The following USH2A variants were observed in gnomAD, a reference collection of about 807,000 sequenced individuals.
The protein encoded by USH2A is Usher syndrome 2A (autosomal recessive, mild).
A neutral mutation model predicts 538.9 loss-of-function variants in USH2A; 443 were observed. The observed-to-expected ratio is 0.82, with a 90% CI of 0.76 to 0.89. The LOEUF is 0.89. USH2A is among the 40% of genes least tolerant of loss of function. The probability of loss-of-function intolerance (pLI) is 0.00; values close to 1 mark genes in which losing one functional copy is unlikely to be tolerated. For synonymous variants in USH2A, 2,413 were observed against 2,273.5 expected, an observed-to-expected ratio of 1.06 and a Z score of -1.75; for missense variants, 6,633 against 6,324.8, an observed-to-expected ratio of 1.05 and a Z score of -1.65.
chr1:215,628,722 A>G (rs1376752639), intron 71 of USH2A, 92 bp downstream of exon 71: 18 of 1,356,566 alleles, frequency 1.3e-5, no homozygotes, highest in Non-Finnish European at 1.7e-5. Flanking sequence ...GGCGAGTGCC[A>G]TGGGGCAGCA....
intron 21 of USH2A, among the ~76,000 whole-genome samples, chr1:216,099,840 G>T (rs2032535080): frequency 6.6e-6 from 1 of 152,114 alleles, no homozygotes; most frequent in South Asian, 2.1e-4. Context: ...TAGGCATACT[G>T]AACTTATGAT....
intron 11 of USH2A, among the ~76,000 whole-genome samples, chr1:216,270,477 T>A (rs1225069141): frequency 6.6e-6 from 1 of 152,158 alleles, no homozygotes; most frequent in Admixed American, 6.6e-5. Context: ...CTAACTCCTC[T>A]TCTTCCTTTC....
intron 3 of USH2A, among the ~76,000 whole-genome samples, chr1:216,373,801 C>T (rs911866888): frequency 3.3e-5 from 5 of 151,942 alleles, no homozygotes; most frequent in Admixed American, 3.3e-4. Context: ...CTGAAAGAGA[C>T]ACGTATGTTT....
chr1:215,884,091 AG>A (rs1664987743), intron 41 of USH2A, among the ~76,000 whole-genome samples: 1 of 152,138 alleles, frequency 6.6e-6, no homozygotes. Context: ...AACGGGAGGG[AG>A]AGCATTAGGA....
At chr1:216,247,706 G>A (rs188044845) in intron 12 of USH2A, among the ~76,000 whole-genome samples, 30 of 152,112 alleles carry the variant, frequency 2.0e-4, no homozygotes, top group African/African-American at 7.2e-4. Context: ...TGTACAGCAT[G>A]GTGACTATAC....
intron 3 of USH2A, among the ~76,000 whole-genome samples, chr1:216,366,933 C>A (rs148130846): frequency 6.6e-6 from 1 of 152,210 alleles, no homozygotes; most frequent in East Asian, 1.9e-4. Context: ...ATAAAAGATA[C>A]AGGCTTTTCT....
At chr1:215,915,434 T>C (rs1291944713) in intron 38 of USH2A, among the ~76,000 whole-genome samples, 2 of 152,086 alleles carry the variant, frequency 1.3e-5, no homozygotes, top group East Asian at 3.9e-4. Context: ...AAATGTGTCG[T>C]TTAAATTTTG....
intron 4 of USH2A, among the ~76,000 whole-genome samples, chr1:216,331,605 T>C (rs183009738): frequency 6.6e-6 from 1 of 152,208 alleles, no homozygotes; most frequent in African/African-American, 2.4e-5. Context: ...TCAGAAAATT[T>C]CCATGACTGT....
At chr1:215,730,215 A>G (rs1659953803) in intron 60 of USH2A, among the ~76,000 whole-genome samples, 1 of 152,202 alleles carries the variant, frequency 6.6e-6, no homozygotes, top group African/African-American at 2.4e-5. Context: ...ATCCAGATGT[A>G]AAAACATGAT....
chr1:215,743,386 A>ATATGTG lies in USH2A; in HGVS notation c.11390-52_11390-51insCACATA, dbSNP rs878870284. 2.6e-3 allele frequency: 851 copies of ATATGTG among 328,230 alleles called. 16 individuals carry two copies. Among genetic ancestry groups the ATATGTG allele is most frequent in the South Asian group, 5.8e-3 (192 of 32,998 alleles). 20.3% of individuals were successfully genotyped at this position (328,230 alleles called of 1,614,324 possible). A position where few individuals can be genotyped will look rare whatever the true frequency, so the allele number is the denominator to read the frequency against. On this transcript the variant is annotated intron_variant, in intron 58 of 71. Transcript: ENST00000307340. ...ACATTAAAAACATATATATATATAT[A>ATATGTG]TGTGTGTGTGTGTGTGTGTGTGTGT...
At chr1:215,984,398 A>T (rs1667822343) in intron 35 of USH2A, among the ~76,000 whole-genome samples, 1 of 152,234 alleles carries the variant, frequency 6.6e-6, no homozygotes, top group Non-Finnish European at 1.5e-5. Context: ...TCTTCAATGG[A>T]TAATCCACAA....
At chr1:215,954,017 C>A (rs1171865229) in intron 37 of USH2A, among the ~76,000 whole-genome samples, 1 of 152,132 alleles carries the variant, frequency 6.6e-6, no homozygotes, top group East Asian at 1.9e-4. Context: ...CAATGAGATA[C>A]CATCTGACAC....
chr1:215,835,608 C>A (rs1218785756), intron 47 of USH2A, among the ~76,000 whole-genome samples: 1 of 152,124 alleles, frequency 6.6e-6, no homozygotes, highest in Non-Finnish European at 1.5e-5. Context: ...ATGCAAGAGA[C>A]CTGGGATTCC....
At chr1:215,654,218 C>T (rs917127992) in intron 64 of USH2A, among the ~76,000 whole-genome samples, 4 of 152,128 alleles carry the variant, frequency 2.6e-5, no homozygotes, top group Admixed American at 1.3e-4. Flanking sequence ...ACGTGAACAA[C>T]GTGCAGGTTT....
At chr1:215,870,620 C>G (rs1571766100) in intron 43 of USH2A, among the ~76,000 whole-genome samples, 1 of 152,024 alleles carries the variant, frequency 6.6e-6, no homozygotes, top group Non-Finnish European at 1.5e-5. Flanking sequence ...CCTGAATCCT[C>G]TTAAATACTA....
intron 61 of USH2A, among the ~76,000 whole-genome samples, chr1:215,721,784 C>G (rs1246048288): frequency 6.6e-6 from 1 of 152,102 alleles, no homozygotes; most frequent in Non-Finnish European, 1.5e-5. Flanking sequence ...AAAAGTTTTG[C>G]CATGGTCAGT....
chr1:216,418,150 T>G (rs2039607817), intron 3 of USH2A, among the ~76,000 whole-genome samples: 1 of 152,146 alleles, frequency 6.6e-6, no homozygotes, highest in Non-Finnish European at 1.5e-5. Context: ...GCTGGGGTAT[T>G]AATACATCCA....
chr1:216,130,561 T>A lies in USH2A; in HGVS notation c.4628-33348A>T, dbSNP rs199869825. ...ATATAAAATATATATTTATATATAT[T>A]ATATATAATATATAATATATAATAC... On this transcript the variant is annotated intron_variant, in intron 21 of 71. Coordinates refer to ENST00000307340, the MANE Select transcript of USH2A (RefSeq NM_206933.4). Among the ~76,000 whole-genome samples the A allele has an allele frequency of 1.6e-3, 239 of 145,540 alleles. 3 individuals carry two copies. The East Asian group carries it at 0.037, about 22-fold the overall frequency.
intron 55 of USH2A, 79 bp downstream of exon 55, chr1:215,779,764 A>G (rs1661567010): frequency 1.9e-6 from 3 of 1,548,028 alleles, no homozygotes; most frequent in Non-Finnish European, 2.6e-6. Flanking sequence ...TATCAAACAC[A>G]CACCCCTGGG....
Sources: allele counts gnomAD v4.1 joint callset (sites outside exome capture counted in the v4.1 genomes callset), GRCh38; gene constraint gnomAD v4.1.1; transcripts MANE v1.5; gene names NCBI Gene and HGNC (gene_info 2026-07-23, HGNC 2026-07-21).